The following SUPT16H variants were observed in gnomAD, a reference collection of about 807,000 sequenced individuals.
SUPT16H encodes the protein SPT16 homolog, facilitates chromatin remodeling subunit.
Under a neutral mutation model 136.2 loss-of-function variants are expected in SUPT16H, and 24 were observed. The ratio of observed to expected loss-of-function variants is 0.18; its 90% confidence interval spans 0.13 to 0.25. The LOEUF (loss-of-function observed/expected upper bound fraction) is 0.25, where lower values mean the gene tolerates loss of function less well. Among genes scored for constraint, SUPT16H ranks in the 10% least tolerant of loss-of-function variants. The pLI, the probability that SUPT16H is intolerant of heterozygous loss-of-function variation, is 1.00. For missense variants in SUPT16H, 623 were observed against 1,270.2 expected, an observed-to-expected ratio of 0.49 and a Z score of 7.74; for synonymous variants, 415 against 428.2, an observed-to-expected ratio of 0.97 and a Z score of 0.38.
intron 2 of SUPT16H, among the ~76,000 whole-genome samples, chr14:21,373,102 T>G (rs958742860): frequency 1.1e-4 from 16 of 152,060 alleles, no homozygotes; most frequent in Non-Finnish European, 7.4e-5. Context: ...CACCCCCACA[T>G]CTGCTTAATT....
chr14:21,360,352 G>A, intron 18 of SUPT16H, 63 bp downstream of exon 18: 1 of 1,276,546 alleles, frequency 7.8e-7, no homozygotes. Context: ...TTATAGGAAA[G>A]AAGCTGAGTG....
Position 21,360,395 on chromosome 14 carries a change from A to C in SUPT16H, c.2175+20T>G. 6.5e-7 allele frequency: 1 copy of C among 1,536,098 alleles called. No individual in the cohort carries two copies. The highest frequency in any genetic ancestry group is 9.0e-7 in the Non-Finnish European group (1 of 1,114,170). ...GTGTCTTGCCCAAGAGCTGACAGCT[A>C]GTTAAGTAGAAAGGTATACCTTGAG... On this transcript the variant is annotated intron_variant, in intron 18 of 25. Coordinates refer to ENST00000216297, the MANE Select transcript of SUPT16H (RefSeq NM_007192.4).
chr14:21,378,123 TGA>T (rs1397274832), intron 1 of SUPT16H, among the ~76,000 whole-genome samples: 1 of 150,016 alleles, frequency 6.7e-6, no homozygotes, highest in African/African-American at 2.5e-5. Context: ...AATAAAATTC[TGA>T]GTGTGAGAAA....
intron 1 of SUPT16H, among the ~76,000 whole-genome samples, chr14:21,378,599 G>A (rs1464997825): frequency 6.6e-6 from 1 of 152,130 alleles, no homozygotes; most frequent in African/African-American, 2.4e-5. Flanking sequence ...ATATCAATGT[G>A]TCAGGAGAAA....
At chr14:21,352,868 T>C (rs1397707339) in intron 25 of SUPT16H, 50 bp from the exon 26 acceptor site, 18 of 1,612,194 alleles carry the variant, frequency 1.1e-5, no homozygotes, top group Non-Finnish European at 1.4e-5. Flanking sequence ...TTTAGGTACC[T>C]AATATTACTG....
At chr14:21,358,101 A>G in intron 20 of SUPT16H, 99 bp from the exon 21 acceptor site, 1 of 1,127,016 alleles carries the variant, frequency 8.9e-7, no homozygotes, top group East Asian at 2.5e-5. Flanking sequence ...AAACAGCTCC[A>G]GCATACTCAC....
At chr14:21,359,444 C>T (rs943256746) in intron 19 of SUPT16H, 40 bp downstream of exon 19, 2 of 1,602,824 alleles carry the variant, frequency 1.2e-6, no homozygotes, top group South Asian at 2.2e-5. Flanking sequence ...GCCTCATCCT[C>T]CCTCACTATC....
intron 4 of SUPT16H, 66 bp from the exon 5 acceptor site, chr14:21,369,962 C>A: frequency 6.4e-7 from 1 of 1,554,340 alleles, no homozygotes; most frequent in Non-Finnish European, 8.8e-7. Context: ...TGCATCTCTC[C>A]AATTTGAATA....
Position 21,363,036 on chromosome 14 carries a change from C to G in SUPT16H, c.1509G>C (p.Gln503His). The G allele has an allele frequency of 6.2e-7, 1 of 1,614,050 alleles. No homozygotes were observed. The highest frequency in any genetic ancestry group is 8.5e-7 in the Non-Finnish European group (1 of 1,180,034). The change falls in exon 13 of 26, where the codon CAG (glutamine) becomes CAC (histidine). Residue 503 changes from glutamine to histidine, a missense_variant and splice_region_variant. Coordinates refer to ENST00000216297, the MANE Select transcript of SUPT16H (RefSeq NM_007192.4). ...LTEQKGEQQI[Q>H]KARKSNVSYK... is the part of the protein sequence containing the mutation. ...CACTGCTCAGTGAAAACTCTTACTT[C>G]TGAATCTGCTGTTCTCCCTTTTGTT... is the stretch of plus-strand genomic sequence containing the variant.
intron 15 of SUPT16H, 120 bp downstream of exon 15, chr14:21,362,077 C>T: frequency 8.1e-7 from 1 of 1,229,044 alleles, no homozygotes; most frequent in Non-Finnish European, 1.1e-6. Flanking sequence ...GAAACAAGTA[C>T]CAATGAGGAA....
chr14:21,383,516 C>T, intron 1 of SUPT16H: 2 of 636,608 alleles, frequency 3.1e-6, no homozygotes, highest in Non-Finnish European at 5.7e-6. Context: ...AGAGCGAGTG[C>T]GTGAGAACAC....
In SUPT16H at chr14:21,383,016, C is replaced by T. The variant is rs183213824; in HGVS notation, c.66+846G>A. On this transcript the variant is annotated intron_variant, in intron 1 of 25. Transcript: ENST00000216297. ...AAAATCTTTATTAGCTGTATCTTCC[C>T]TTGATGACAGGGTTCAGGGGCAAGA... The T allele has an allele frequency of 1.2e-4, 18 of 152,318 alleles. No individual in the cohort carries two copies. In the East Asian group the frequency reaches 3.3e-3, roughly 28 times the overall value. The allele number at this position is 152,318 out of a possible 1,614,324, so 9.4% of individuals were successfully genotyped here. A position where few individuals can be genotyped will look rare whatever the true frequency, so the allele number is the denominator to read the frequency against.
chr14:21,364,468 A>G (rs1049261165), intron 10 of SUPT16H, among the ~76,000 whole-genome samples: 1 of 152,244 alleles, frequency 6.6e-6, no homozygotes, highest in African/African-American at 2.4e-5. Flanking sequence ...CACAAATGTG[A>G]AAATACTAAA....
At chr14:21,357,403 T>C (rs776794157) in intron 21 of SUPT16H, 37 bp from the exon 22 acceptor site, 6 of 1,505,600 alleles carry the variant, frequency 4.0e-6, no homozygotes, top group East Asian at 4.8e-5. Context: ...CATATAAGTA[T>C]TTCCCCCAAA....
chr14:21,352,772 A>G lies in SUPT16H; in HGVS notation c.3045T>C (p.Ser1015=). 1 of 1,613,942 alleles carries G rather than the reference A, an allele frequency of 6.2e-7. No homozygotes were observed. The highest frequency in any genetic ancestry group is 8.5e-7 in the Non-Finnish European group (1 of 1,179,982). Residue 1015 remains serine, a synonymous_variant, in exon 26 of 26, where the codon AGT becomes AGC. Transcript: ENST00000216297. ...CAGATGCCTTCCTCTTCCGGCTCAT[A>G]CTTCGACTTTGTTCTTCTTCTTCCT... The part of the protein sequence containing the change: ...RYEEEEEQSR[S]MSRKRKASVH...
chr14:21,378,914 T>C (rs1045205939), intron 1 of SUPT16H, among the ~76,000 whole-genome samples: 1 of 152,180 alleles, frequency 6.6e-6, no homozygotes, highest in African/African-American at 2.4e-5. Context: ...GCAAAGAATC[T>C]GCAAAAATTG....
At position 21,352,584 on chromosome 14, in the gene SUPT16H, A is replaced by G; in HGVS notation, c.*89T>C. The stretch of plus-strand genomic sequence containing the variant: ...CACAAATGGCAAAACTTCAAATGAA[A>G]ACGAAAGGAAAAATACAGTTTCTAT... On this transcript the variant is annotated 3_prime_UTR_variant, in exon 26 of 26. Transcript: ENST00000216297. 6.3e-7 allele frequency: 1 copy of G among 1,587,692 alleles called. No homozygotes were observed. The highest frequency in any genetic ancestry group is 8.6e-7 in the Non-Finnish European group (1 of 1,168,146).
rs762027957 is a variant in SUPT16H, at chr14:21,368,322, T to C, written c.902A>G (p.Asn301Ser). The C allele has an allele frequency of 1.9e-6, 3 of 1,614,100 alleles. No individual in the cohort carries two copies. Among genetic ancestry groups the C allele is most frequent in the Admixed American group, 1.7e-5 (1 of 60,002 alleles). ...TTGAAGCTGGAGCAAAAAGTTATAATTTTCTTGAACTTCTTGAGAAGGATC... is the reference window on the plus strand; with the variant it reads ...TTGAAGCTGGAGCAAAAAGTTATAACTTTCTTGAACTTCTTGAGAAGGATC... ...MVDPSQEVQENYNFLLQLQEE... is the reference protein window; with the variant it reads ...MVDPSQEVQESYNFLLQLQEE... The change falls in exon 7 of 26, where the codon AAT becomes AGT. Residue 301 changes from asparagine (N) to serine (S), a missense_variant. Around this residue, in one of 7 missense-constraint regions of SUPT16H, gnomAD observed 343 missense variants for 525.7 expected, o/e 0.65. Coordinates refer to ENST00000216297, the MANE Select transcript of SUPT16H (RefSeq NM_007192.4).
chr14:21,366,848 T>C (rs530667719), intron 7 of SUPT16H, among the ~76,000 whole-genome samples: 12 of 152,244 alleles, frequency 7.9e-5, no homozygotes, highest in African/African-American at 2.4e-4. Context: ...TGGTCTGCCA[T>C]GTTGCCCAGG....
Sources: gnomAD v4.1 joint callset for allele counts (sites outside exome capture counted in the v4.1 genomes callset) on GRCh38, gnomAD v4.1.1 for gene constraint, gnomAD v4.1.1 regional missense constraint, MANE v1.5 for transcripts, NCBI Gene and HGNC (gene_info 2026-07-23, HGNC 2026-07-21) for gene names.